The following SLMAP variants were observed in gnomAD, a reference collection of about 807,000 sequenced individuals.
The protein encoded by SLMAP is sarcolemma associated protein.
A neutral mutation model predicts 128.8 loss-of-function variants in SLMAP; 44 were observed. The observed-to-expected ratio is 0.34, with a 90% confidence interval of 0.27 to 0.44. The LOEUF is 0.44. Ranked by LOEUF, SLMAP falls within the 20% of genes least tolerant of loss-of-function variation. The probability of loss-of-function intolerance (pLI) is 1.00; values close to 1 mark genes in which losing one functional copy is unlikely to be tolerated. For missense variants in SLMAP, 787 were observed against 985.3 expected (o/e 0.80, Z 2.69); for synonymous variants, 327 against 348.8 (o/e 0.94, Z 0.70).
chr3:57,908,165 C>T lies in SLMAP; in HGVS notation c.1624+159C>T, dbSNP rs866906299. 6.6e-5 allele frequency among the ~76,000 whole-genome samples: 10 copies of T among 152,304 alleles called. No individual in the cohort carries two copies. The South Asian group carries it at 2.1e-3, about 32-fold the overall frequency. On this transcript the variant is annotated intron_variant, in intron 18 of 24. Transcript: ENST00000671191. ...ACTTGACCTCTCTAAACTTGTGTTT[C>T]AGGTCAGTAAAATGAGGAGAGTTAC... is the stretch of plus-strand genomic sequence containing the variant.
chr3:57,922,581 A>G (rs1430390270), intron 22 of SLMAP, among the ~76,000 whole-genome samples: 1 of 151,892 alleles, frequency 6.6e-6, no homozygotes, highest in African/African-American at 2.4e-5. Flanking sequence ...GGCATGCACC[A>G]CCACGCCCAG....
intron 10 of SLMAP, 106 bp from the exon 11 acceptor site, chr3:57,864,442 C>T: frequency 3.0e-6 from 2 of 677,534 alleles, no homozygotes; most frequent in Non-Finnish European, 5.0e-6. Flanking sequence ...TTCTTTTCTA[C>T]AGAACAAACT....
At chr3:57,844,939 C>T (rs960619021) in intron 4 of SLMAP, among the ~76,000 whole-genome samples, 1 of 151,972 alleles carries the variant, frequency 6.6e-6, no homozygotes, top group African/African-American at 2.4e-5. Context: ...TTCCCAAACT[C>T]CTAACCTCAA....
rs2096607057 is a variant in SLMAP at position 57,907,914 on chromosome 3, A to G, written c.1532A>G (p.Glu511Gly). Residue 511 changes from glutamate to glycine, a missense_variant, in exon 18 of 25, where the codon GAG becomes GGG. By Grantham distance (98) the Glu-to-Gly change is moderately conservative. Around this residue, in one of 2 missense-constraint regions of SLMAP, gnomAD observed 715 missense variants for 843.6 expected, o/e 0.85. Coordinates refer to ENST00000671191, the MANE Select transcript of SLMAP (RefSeq NM_001377540.1). ...DDLQGAQSEI[E>G]AKQEIQHLRK... Reference sequence around the variant, plus strand: ...TTGCAGGGTGCACAGTCAGAAATTGAGGCAAAGCAAGAAATACAGCATCTT... The same window carrying G: ...TTGCAGGGTGCACAGTCAGAAATTGGGGCAAAGCAAGAAATACAGCATCTT... 6.2e-7 allele frequency: 1 copy of G among 1,613,938 alleles called. No homozygotes were observed. The highest frequency in any genetic ancestry group is 8.5e-7 in the Non-Finnish European group (1 of 1,179,834).
intron 14 of SLMAP, among the ~76,000 whole-genome samples, chr3:57,886,165 A>G (rs1372432777): frequency 1.4e-5 from 2 of 146,796 alleles, no homozygotes; most frequent in Non-Finnish European, 3.0e-5. Context: ...GTGCAGTGGC[A>G]TGATCTCAGC....
chr3:57,920,813 G>A (rs1310660676), intron 22 of SLMAP, among the ~76,000 whole-genome samples: 3 of 151,986 alleles, frequency 2.0e-5, no homozygotes, highest in Admixed American at 6.6e-5. Context: ...TCAGGAGTTC[G>A]AGACCAGCCT....
At chr3:57,892,318 C>T (rs2096099295) in intron 15 of SLMAP, among the ~76,000 whole-genome samples, 1 of 152,152 alleles carries the variant, frequency 6.6e-6, no homozygotes, top group African/African-American at 2.4e-5. Flanking sequence ...ACCAGTCTTA[C>T]CTCTTCTCTT....
chr3:57,784,378 G>A (rs2153464088), intron 2 of SLMAP, among the ~76,000 whole-genome samples: 1 of 152,284 alleles, frequency 6.6e-6, no homozygotes, highest in African/African-American at 2.4e-5. Context: ...CAGGATTTTG[G>A]ACATGGCGTC....
At chr3:57,848,709 C>CTTTTTT (rs34568039) in intron 5 of SLMAP, among the ~76,000 whole-genome samples, 3 of 103,596 alleles carry the variant, frequency 2.9e-5, no homozygotes, top group East Asian at 3.3e-4. Flanking sequence ...CCTCCTACTC[C>CTTTTTT]TTTTTTTTTT....
chr3:57,887,854 A>G (rs910534267), intron 14 of SLMAP, among the ~76,000 whole-genome samples: 3 of 152,194 alleles, frequency 2.0e-5, no homozygotes, highest in African/African-American at 4.8e-5. Context: ...AATCCCTACT[A>G]TGTGTACTGA....
intron 2 of SLMAP, among the ~76,000 whole-genome samples, chr3:57,811,906 A>G (rs972611271): frequency 6.6e-6 from 1 of 152,124 alleles, no homozygotes; most frequent in Admixed American, 6.5e-5. Context: ...TCCTTTGCCC[A>G]TTTTTGAATT....
chr3:57,860,606 A>T, intron 8 of SLMAP, 93 bp from the exon 9 acceptor site: 1 of 945,916 alleles, frequency 1.1e-6, no homozygotes, highest in Non-Finnish European at 1.5e-6. Context: ...TTAATATATA[A>T]TTTAAAGTAT....
chr3:57,927,324 C>T lies in SLMAP; in HGVS notation c.*35C>T, dbSNP rs1292285854. ...CCCTGGCCCTGGATGCCCATGTTGG[C>T]TGCCCTGGTTGCAGTAACAGCCATC... On this transcript the variant is annotated 3_prime_UTR_variant, in exon 25 of 25. Transcript: ENST00000671191. 6.2e-7 allele frequency: 1 copy of T among 1,607,448 alleles called. No individual in the cohort carries two copies. The highest frequency in any genetic ancestry group is 1.1e-5 in the South Asian group (1 of 90,012).
chr3:57,923,444 A>G (rs2096951023), intron 23 of SLMAP, among the ~76,000 whole-genome samples: 1 of 152,222 alleles, frequency 6.6e-6, no homozygotes, highest in Admixed American at 6.5e-5. Context: ...CTGAGGCACA[A>G]TTTCTAAAAA....
intron 4 of SLMAP, among the ~76,000 whole-genome samples, chr3:57,846,125 C>A (rs1318937689): frequency 6.6e-6 from 1 of 152,104 alleles, no homozygotes; most frequent in Middle Eastern, 3.2e-3. Context: ...CAGGTGTGAG[C>A]CACTGTGCCT....
rs565120297 is a variant in SLMAP, at chr3:57,899,860, C to G, written c.1501+2928C>G. ...AAGGAGGCATATTTTAGAAGAGTCT[C>G]CAAGAGATAATTATCATAGCCCTTT... is the stretch of plus-strand genomic sequence containing the variant. On this transcript the variant is annotated intron_variant, in intron 17 of 24. Transcript: ENST00000671191. 6 of 152,244 alleles carry G rather than the reference C, an allele frequency of 3.9e-5. No homozygotes were observed. The South Asian group carries it at 1.2e-3, about 32-fold the overall frequency. 9.4% of individuals were successfully genotyped at this position (152,244 alleles called of 1,614,324 possible).
chr3:57,783,994 G>A (rs1478405071), intron 2 of SLMAP, among the ~76,000 whole-genome samples: 1 of 152,122 alleles, frequency 6.6e-6, no homozygotes, highest in Non-Finnish European at 1.5e-5. Flanking sequence ...AACTCTGGTG[G>A]TGTACACTTG....
At chr3:57,839,505 G>A (rs542815565) in intron 3 of SLMAP, among the ~76,000 whole-genome samples, 1 of 145,164 alleles carries the variant, frequency 6.9e-6, no homozygotes, top group South Asian at 2.2e-4. Context: ...CAGTGGCATG[G>A]TCTCGGCTCA....
At chr3:57,869,208 A>C (rs572037891) in intron 13 of SLMAP, among the ~76,000 whole-genome samples, 1 of 151,014 alleles carries the variant, frequency 6.6e-6, no homozygotes, top group South Asian at 2.1e-4. Flanking sequence ...CATCCAGCAC[A>C]GGAGAAAGAT....
Sources: allele counts gnomAD v4.1 joint callset (sites outside exome capture counted in the v4.1 genomes callset), GRCh38; gene constraint gnomAD v4.1.1; regional missense constraint gnomAD v4.1.1; transcripts MANE v1.5; gene names NCBI Gene and HGNC (gene_info 2026-07-23, HGNC 2026-07-21).